PELI2: variants seen among roughly 807,000 people sequenced by gnomAD.
PELI2 encodes the protein pellino E3 ubiquitin protein ligase family member 2.
PELI2 carries 23 observed loss-of-function variants against 42.3 expected under a neutral mutation model. That is an observed-to-expected ratio of 0.54 (90% confidence interval 0.39 to 0.77). The LOEUF is 0.77. PELI2 is among the 30% of genes least tolerant of loss of function. The pLI is 0.00. For missense variants in PELI2, 463 were observed against 553.2 expected (o/e 0.84, Z 1.64); for synonymous variants, 245 against 212.2 (o/e 1.15, Z -1.34).
chr14:56,125,623 C>T (rs550711741), intron 1 of PELI2, among the ~76,000 whole-genome samples: 37 of 152,068 alleles, frequency 2.4e-4, no homozygotes, highest in Admixed American at 9.2e-4. Context: ...CCAAGTATCC[C>T]GTTAAGAGGC....
chr14:56,271,368 C>T (rs752753517), intron 2 of PELI2, among the ~76,000 whole-genome samples: 28 of 151,682 alleles, frequency 1.8e-4, no homozygotes, highest in Non-Finnish European at 3.4e-4. Context: ...TATGTTTTCC[C>T]ATACCGATTA....
chr14:56,297,299 A>G lies in PELI2; in HGVS notation c.*133A>G. The G allele has an allele frequency of 1.6e-6, 1 of 639,046 alleles. No individual in the cohort carries two copies. The highest frequency in any genetic ancestry group is 2.7e-6 in the Non-Finnish European group (1 of 365,616). 39.6% of individuals were successfully genotyped at this position (639,046 alleles called of 1,614,324 possible). ...GGGGCTGGAAATAAAGAGAGGGGAC[A>G]TGGTGATGAAACATGGCAGGAGTGT... On this transcript the variant is annotated 3_prime_UTR_variant, in exon 6 of 6. Transcript: ENST00000267460.
intron 1 of PELI2, among the ~76,000 whole-genome samples, chr14:56,141,717 C>T (rs902247194): frequency 6.6e-6 from 1 of 152,144 alleles, no homozygotes; most frequent in Non-Finnish European, 1.5e-5. Flanking sequence ...ATGATGCTCA[C>T]TCACTGTCAT....
chr14:56,186,562 A>G (rs1362783723), intron 2 of PELI2, among the ~76,000 whole-genome samples: 3 of 152,174 alleles, frequency 2.0e-5, no homozygotes, highest in Non-Finnish European at 4.4e-5. Context: ...AAAATACCTC[A>G]CATTACTGAG....
intron 5 of PELI2, among the ~76,000 whole-genome samples, chr14:56,295,448 C>G (rs542034348): frequency 2.0e-5 from 3 of 152,120 alleles, no homozygotes; most frequent in Admixed American, 6.5e-5. Flanking sequence ...GCCATTTGGC[C>G]TCTCCTCCTT....
chr14:56,270,748 T>C (rs1889075169), intron 2 of PELI2, among the ~76,000 whole-genome samples: 1 of 152,216 alleles, frequency 6.6e-6, no homozygotes, highest in Non-Finnish European at 1.5e-5. Flanking sequence ...GCTACTGACA[T>C]TGACTCCCTT....
At chr14:56,233,475 G>T (rs1887663149) in intron 2 of PELI2, among the ~76,000 whole-genome samples, 1 of 152,088 alleles carries the variant, frequency 6.6e-6, no homozygotes. Flanking sequence ...TCTGATCTTT[G>T]ACAAACCTGA....
intron 2 of PELI2, among the ~76,000 whole-genome samples, chr14:56,268,140 G>C (rs1182450525): frequency 6.6e-6 from 1 of 152,184 alleles, no homozygotes; most frequent in African/African-American, 2.4e-5. Context: ...TTAGAAACAA[G>C]TTATGTACCT....
At chr14:56,191,924 G>A (rs1020075940) in intron 2 of PELI2, among the ~76,000 whole-genome samples, 5 of 151,456 alleles carry the variant, frequency 3.3e-5, no homozygotes, top group African/African-American at 4.9e-5. Context: ...GTGTGATCTC[G>A]GCTCACTGCA....
At chr14:56,155,414 T>C (rs1884519838) in intron 1 of PELI2, among the ~76,000 whole-genome samples, 1 of 152,166 alleles carries the variant, frequency 6.6e-6, no homozygotes, top group Non-Finnish European at 1.5e-5. Context: ...AACAATTCTT[T>C]TCTTTCAAAG....
chr14:56,141,906 G>T (rs973533304), intron 1 of PELI2, among the ~76,000 whole-genome samples: 1 of 152,192 alleles, frequency 6.6e-6, no homozygotes. Flanking sequence ...AAAATTCCTT[G>T]TAGCGTTGTA....
intron 2 of PELI2, among the ~76,000 whole-genome samples, chr14:56,225,740 AGC>A (rs1364177266): frequency 1.3e-5 from 2 of 152,054 alleles, no homozygotes; most frequent in Admixed American, 6.5e-5. Flanking sequence ...ACCGAAGGAG[AGC>A]CTGGAGAAAA....
In PELI2 at chr14:56,125,416, AGG is replaced by A. The variant is rs111561963; in HGVS notation, c.77+6687_77+6688del. On this transcript the variant is annotated intron_variant, in intron 1 of 5. Coordinates refer to ENST00000267460, the MANE Select transcript of PELI2 (RefSeq NM_021255.3). ...GGAGGAAGAGAGTTATTGGGTGGGC[AGG>A]GGGGGGGTGAATTGGCAGGGTGAAA... 8.7e-3 allele frequency among the ~76,000 whole-genome samples: 971 copies of A among 112,208 alleles called. 19 individuals are homozygous for A. The highest frequency in any genetic ancestry group is 0.034 in the African/African-American group (902 of 26,656). The allele number at this position is 112,208 out of a possible 152,430, so 73.6% of individuals were successfully genotyped here. A position where few individuals can be genotyped will look rare whatever the true frequency, so the allele number is the denominator to read the frequency against.
At chr14:56,168,812 A>C (rs1162485177) in intron 1 of PELI2, among the ~76,000 whole-genome samples, 1 of 152,128 alleles carries the variant, frequency 6.6e-6, no homozygotes, top group Non-Finnish European at 1.5e-5. Context: ...TCTCACCAGA[A>C]GCCACCAAGG....
rs1354866077 is a variant in PELI2, at chr14:56,288,128, T to A, written c.310-309T>A. Among the ~76,000 whole-genome samples, 1 of 152,242 alleles carries A rather than the reference T, an allele frequency of 6.6e-6. No homozygotes were observed. The highest frequency in any genetic ancestry group is 1.5e-5 in the Non-Finnish European group (1 of 68,048). On this transcript the variant is annotated intron_variant, in intron 3 of 5. Transcript: ENST00000267460. The surrounding 1 kb of genome is among the most constrained non-coding windows in gnomAD (Gnocchi z 4.6). ...AGATGAGTAAGTTCTAGAGAGTTGC[T>A]GTGCACCGTTCTGCCTGTAGTCAAC...
At chr14:56,258,311 A>T (rs961254569) in intron 2 of PELI2, among the ~76,000 whole-genome samples, 7 of 151,982 alleles carry the variant, frequency 4.6e-5, no homozygotes, top group African/African-American at 1.7e-4. Context: ...CCGCAAAAAA[A>T]AATTAATGGC....
intron 3 of PELI2, among the ~76,000 whole-genome samples, chr14:56,283,739 C>T (rs1324663338): frequency 6.6e-6 from 1 of 152,214 alleles, no homozygotes; most frequent in Non-Finnish European, 1.5e-5. Flanking sequence ...AGTACCAGCT[C>T]AGCCTCTTTA....
intron 3 of PELI2, among the ~76,000 whole-genome samples, chr14:56,283,358 A>G (rs573147802): frequency 1.3e-5 from 2 of 152,364 alleles, no homozygotes; most frequent in South Asian, 4.1e-4. Context: ...CACAGCAATG[A>G]AAAATACAAT....
At chr14:56,190,177 C>G (rs936481795) in intron 2 of PELI2, among the ~76,000 whole-genome samples, 2 of 152,138 alleles carry the variant, frequency 1.3e-5, no homozygotes, top group Non-Finnish European at 2.9e-5. Context: ...ACATGACATA[C>G]CACTTCATCA....
Sources: gnomAD v4.1 joint callset for allele counts (sites outside exome capture counted in the v4.1 genomes callset) on GRCh38, gnomAD v4.1.1 for gene constraint, Gnocchi (gnomAD v3.1) non-coding constraint, MANE v1.5 for transcripts, NCBI Gene and HGNC (gene_info 2026-07-23, HGNC 2026-07-21) for gene names.